SYNCRIP: variants seen among roughly 807,000 people sequenced by gnomAD.
SYNCRIP encodes the protein heterogeneous nuclear ribonucleoprotein Q.
SYNCRIP carries 9 observed loss-of-function variants against 68.9 expected under a neutral mutation model. That is an observed-to-expected ratio of 0.13 (90% CI 0.08 to 0.23). The LOEUF is 0.23. SYNCRIP is among the 10% of genes least tolerant of loss of function. The pLI is 1.00. For missense variants in SYNCRIP, 414 were observed against 770.6 expected (o/e 0.54, Z 5.48); for synonymous variants, 258 against 254.0 (o/e 1.02, Z -0.15).
chr6:85,624,169 A>G, intron 6 of SYNCRIP, 57 bp from the exon 7 acceptor site: 3 of 1,524,290 alleles, frequency 2.0e-6, no homozygotes, highest in Non-Finnish European at 2.7e-6. Flanking sequence ...TAGAACAGTT[A>G]ATTATAAAAG....
intron 6 of SYNCRIP, among the ~76,000 whole-genome samples, chr6:85,626,685 T>A (rs984278265): frequency 2.6e-5 from 4 of 152,086 alleles, no homozygotes; most frequent in African/African-American, 9.7e-5. Flanking sequence ...ATCAAAGAAA[T>A]ATAGAGAAGA....
chr6:85,628,605 A>G (rs1372882946), intron 6 of SYNCRIP, among the ~76,000 whole-genome samples: 4 of 152,236 alleles, frequency 2.6e-5, no homozygotes, highest in Admixed American at 2.6e-4. Context: ...AGACTGAAAC[A>G]GGAGTCTAGA....
intron 6 of SYNCRIP, among the ~76,000 whole-genome samples, chr6:85,625,821 TCAA>T (rs946115356): frequency 6.6e-6 from 1 of 152,156 alleles, no homozygotes; most frequent in African/African-American, 2.4e-5. Context: ...CCTAAAAGGG[TCAA>T]CAAAATACTC....
At chr6:85,623,579 A>AAAAAAAAAAAAAC (rs1554184894) in intron 7 of SYNCRIP, among the ~76,000 whole-genome samples, 4 of 125,754 alleles carry the variant, frequency 3.2e-5, no homozygotes, top group East Asian at 2.8e-4. Context: ...AAAAAAAAAA[A>AAAAAAAAAAAAAC]AAAACACTCT....
chr6:85,614,717 A>G lies in SYNCRIP; in HGVS notation c.*39T>C, dbSNP rs1326511321. 2 of 1,513,850 alleles carry G rather than the reference A, an allele frequency of 1.3e-6. No individual in the cohort carries two copies. Among genetic ancestry groups the G allele is most frequent in the East Asian group, 2.3e-5 (1 of 43,468 alleles). 93.8% of individuals were successfully genotyped at this position (1,513,850 alleles called of 1,614,324 possible). ...TCAGATTTAGGGTGAGTTTCTGATCAACCTATCAGTCTCCAATTTTACAGA... is the reference window on the plus strand; with the variant it reads ...TCAGATTTAGGGTGAGTTTCTGATCGACCTATCAGTCTCCAATTTTACAGA... On this transcript the variant is annotated 3_prime_UTR_variant, in exon 11 of 11. Coordinates refer to ENST00000369622, the MANE Select transcript of SYNCRIP (RefSeq NM_006372.5).
rs1554184894 is a variant in SYNCRIP at position 85,623,579 on chromosome 6, A to AAAAAAAAAAAAAAAAAAAAAAAAAAC, written c.802+397_802+398insGTTTTTTTTTTTTTTTTTTTTTTTTT. On this transcript the variant is annotated intron_variant, in intron 7 of 10. Coordinates refer to ENST00000369622, the MANE Select transcript of SYNCRIP (RefSeq NM_006372.5). ...ACTGTCTCCAAAAAAAAAAAAAAAA[A>AAAAAAAAAAAAAAAAAAAAAAAAAAC]AAAACACTCTGCTACGGCAATACTT... 6.4e-5 allele frequency among the ~76,000 whole-genome samples: 8 copies of AAAAAAAAAAAAAAAAAAAAAAAAAAC among 125,754 alleles called. 1 individual carries two copies. The highest frequency in any genetic ancestry group is 1.4e-4 in the Non-Finnish European group (8 of 56,510). The allele number at this position is 125,754 out of a possible 152,430, so 82.5% of individuals were successfully genotyped here. A position where few individuals can be genotyped will look rare whatever the true frequency, so the allele number is the denominator to read the frequency against.
rs144310991 is a variant in SYNCRIP at position 85,616,693 on chromosome 6, C to T, written c.1281-1346G>A. 7.0e-3 allele frequency among the ~76,000 whole-genome samples: 1,060 copies of T among 152,216 alleles called. 11 individuals carry two copies. The highest frequency in any genetic ancestry group is 0.024 in the African/African-American group (989 of 41,534). On this transcript the variant is annotated intron_variant, in intron 10 of 10. Coordinates refer to ENST00000369622, the MANE Select transcript of SYNCRIP (RefSeq NM_006372.5). ...AAAGGCCCCTGTTCCAACTGACTAA[C>T]GTAAAAATGTTATTCCGGTTCACTA...
At chr6:85,641,141 C>T in intron 2 of SYNCRIP, 151 bp downstream of exon 2, 2 of 647,762 alleles carry the variant, frequency 3.1e-6, no homozygotes, top group Admixed American at 2.8e-5. Flanking sequence ...ATCTTAACCT[C>T]TACTTCAAAC....
chr6:85,636,068 T>C (rs182743603), intron 6 of SYNCRIP, among the ~76,000 whole-genome samples: 2 of 152,302 alleles, frequency 1.3e-5, no homozygotes, highest in Admixed American at 1.3e-4. Context: ...ACTCTTCAAC[T>C]ATAAAATGCA....
At chr6:85,639,181 C>G (rs1808840034) in intron 4 of SYNCRIP, among the ~76,000 whole-genome samples, 1 of 152,164 alleles carries the variant, frequency 6.6e-6, no homozygotes, top group African/African-American at 2.4e-5. Context: ...GCACTCCAGC[C>G]TGGGTGACAG....
intron 4 of SYNCRIP, among the ~76,000 whole-genome samples, chr6:85,639,127 G>A (rs868723472): frequency 2.0e-5 from 3 of 152,082 alleles, no homozygotes; most frequent in Non-Finnish European, 2.9e-5. Flanking sequence ...AGAATTGCTC[G>A]AACCCGCGAG....
At chr6:85,639,639 T>C (rs1033237450) in intron 4 of SYNCRIP, among the ~76,000 whole-genome samples, 11 of 152,078 alleles carry the variant, frequency 7.2e-5, no homozygotes, top group African/African-American at 2.7e-4. Context: ...GTCTATAAAT[T>C]AGAAAACTCA....
At position 85,637,404 on chromosome 6, in the gene SYNCRIP, C is replaced by A. The variant is rs984403179; in HGVS notation, c.376-48G>T. On this transcript the variant is annotated intron_variant, in intron 4 of 10. Transcript: ENST00000369622. Reference sequence around the variant, plus strand: ...AATACATTTAATTCACTAGACCACACCCATATATTTAGCAGTTAACATCCA... The same window carrying A: ...AATACATTTAATTCACTAGACCACAACCATATATTTAGCAGTTAACATCCA... 18 of 1,203,866 alleles carry A rather than the reference C, an allele frequency of 1.5e-5. No individual in the cohort carries two copies. In the African/African-American group the frequency reaches 2.3e-4, roughly 15 times the overall value. 74.6% of individuals were successfully genotyped at this position (1,203,866 alleles called of 1,614,324 possible). A position where few individuals can be genotyped will look rare whatever the true frequency, so the allele number is the denominator to read the frequency against.
chr6:85,633,750 T>A, intron 6 of SYNCRIP, among the ~76,000 whole-genome samples: 1 of 152,020 alleles, frequency 6.6e-6, no homozygotes, highest in East Asian at 1.9e-4. Flanking sequence ...AGTGGCATGA[T>A]CACAGGTCAT....
intron 10 of SYNCRIP, among the ~76,000 whole-genome samples, chr6:85,616,016 G>C (rs537768159): frequency 1.3e-5 from 2 of 152,156 alleles, no homozygotes; most frequent in Admixed American, 6.5e-5. Context: ...AAATTTAAAA[G>C]ATCTGCTACT....
At chr6:85,621,484 A>G (rs541083692) in intron 8 of SYNCRIP, among the ~76,000 whole-genome samples, 32 of 152,066 alleles carry the variant, frequency 2.1e-4, no homozygotes, top group Admixed American at 3.3e-4. Context: ...GTGGTAGTAC[A>G]CACCTGTAGT....
intron 7 of SYNCRIP, among the ~76,000 whole-genome samples, chr6:85,623,562 C>CAAAAAAAAAAAAAAAAAAAAAAAAAA (rs67258131): frequency 1.6e-5 from 1 of 63,240 alleles, no homozygotes; most frequent in African/African-American, 6.8e-5. Flanking sequence ...AGACTGTCTC[C>CAAAAAAAAAAAAAAAAAAAAAAAAAA]AAAAAAAAAA....
At chr6:85,617,197 TAAAAA>T (rs77973702) in intron 10 of SYNCRIP, among the ~76,000 whole-genome samples, 20 of 122,884 alleles carry the variant, frequency 1.6e-4, no homozygotes, top group African/African-American at 4.9e-4. Flanking sequence ...AGTTAAAACT[TAAAAA>T]AAAAAAAAAA....
At chr6:85,630,582 T>C (rs568909149) in intron 6 of SYNCRIP, among the ~76,000 whole-genome samples, 1 of 152,200 alleles carries the variant, frequency 6.6e-6, no homozygotes, top group Non-Finnish European at 1.5e-5. Context: ...TAAATCAACA[T>C]GTCTATTTCC....
Sources: gnomAD v4.1 joint callset for allele counts (sites outside exome capture counted in the v4.1 genomes callset) on GRCh38, gnomAD v4.1.1 for gene constraint, MANE v1.5 for transcripts, NCBI Gene and HGNC (gene_info 2026-07-23, HGNC 2026-07-21) for gene names.